Variants in MICAL2 observed in about 807,000 individuals in gnomAD.
The protein encoded by MICAL2 is microtubule associated monooxygenase, calponin and LIM domain containing 2.
MICAL2 carries 77 observed loss-of-function variants against 127.3 expected under a neutral mutation model. The ratio of observed to expected loss-of-function variants is 0.60; its 90% confidence interval spans 0.50 to 0.73. The LOEUF (loss-of-function observed/expected upper bound fraction) is 0.73. Ranked by LOEUF, MICAL2 falls within the 30% of genes least tolerant of loss-of-function variation. The probability of loss-of-function intolerance (pLI) is 0.00; values close to 1 mark genes in which losing one functional copy is unlikely to be tolerated. For synonymous variants in MICAL2, 570 were observed against 551.1 expected (o/e 1.03, Z -0.48); for missense variants, 1,351 against 1,434.4 (o/e 0.94, Z 0.94).
At chr11:12,337,648 G>A (rs1938790528) in intron 32 of MICAL2, among the ~76,000 whole-genome samples, 1 of 151,982 alleles carries the variant, frequency 6.6e-6, no homozygotes, top group East Asian at 1.9e-4. Context: ...ATTCTGGTAT[G>A]TTGTGTCTTT....
chr11:12,286,784 A>G (rs1038795558), intron 2 of MICAL2: 22 of 210,464 alleles, frequency 1.0e-4, no homozygotes, highest in Middle Eastern at 1.7e-3. Flanking sequence ...CTGAGGTGGG[A>G]GTATCATTTG....
chr11:12,223,186 A>G (rs539331847), intron 11 of MICAL2, among the ~76,000 whole-genome samples: 11 of 152,314 alleles, frequency 7.2e-5, no homozygotes, highest in Admixed American at 2.0e-4. Flanking sequence ...CATACACACA[A>G]ATTAGCTACA....
At chr11:12,300,471 C>T (rs1192829783) in intron 29 of MICAL2, among the ~76,000 whole-genome samples, 2 of 152,132 alleles carry the variant, frequency 1.3e-5, no homozygotes, top group African/African-American at 4.8e-5. Context: ...CAGATGAGCC[C>T]TTAACAAGGA....
chr11:12,263,253 A>G (rs1863363555), intron 27 of MICAL2: 1 of 152,230 alleles, frequency 6.6e-6, no homozygotes, highest in Non-Finnish European at 1.5e-5. Flanking sequence ...ATCTTTGAGA[A>G]ATGACTCAGT....
intron 2 of MICAL2, among the ~76,000 whole-genome samples, chr11:12,285,927 G>T (rs1226777874): frequency 1.1e-5 from 1 of 87,528 alleles, no homozygotes; most frequent in Non-Finnish European, 2.5e-5. Context: ...GGCCCTGCCT[G>T]TGTGCACATT....
intron 3 of MICAL2, among the ~76,000 whole-genome samples, chr11:12,175,811 G>A (rs7121956): frequency 0.57 from 86,652 of 151,872 alleles, 25,035 homozygotes; most frequent in South Asian, 0.69. Flanking sequence ...AGGTGCTGAC[G>A]CAAGTGTGCT....
chr11:12,349,586 A>ATG (rs951639193), intron 32 of MICAL2, among the ~76,000 whole-genome samples: 5 of 152,274 alleles, frequency 3.3e-5, no homozygotes, highest in Admixed American at 2.6e-4. Context: ...TATCGTGGTT[A>ATG]TGTGACCATT....
chr11:12,155,055 A>G (rs1002940504), intron 2 of MICAL2, among the ~76,000 whole-genome samples: 1 of 152,180 alleles, frequency 6.6e-6, no homozygotes, highest in Non-Finnish European at 1.5e-5. Context: ...GGCCTGGTAC[A>G]CTGTGAGTGC....
At chr11:12,318,130 C>A (rs983182162) in intron 29 of MICAL2, among the ~76,000 whole-genome samples, 1 of 152,212 alleles carries the variant, frequency 6.6e-6, no homozygotes, top group Non-Finnish European at 1.5e-5. Flanking sequence ...TACTCAGGCA[C>A]CGCTAATATA....
intron 29 of MICAL2, among the ~76,000 whole-genome samples, chr11:12,305,341 A>G (rs950648595): frequency 9.9e-5 from 15 of 152,112 alleles, no homozygotes; most frequent in Non-Finnish European, 2.9e-5. Context: ...AGAATTCACT[A>G]TCATGAGAAC....
chr11:12,220,965 A>C (rs1172712518), intron 9 of MICAL2, among the ~76,000 whole-genome samples: 1 of 152,258 alleles, frequency 6.6e-6, no homozygotes, highest in Non-Finnish European at 1.5e-5. Flanking sequence ...AGAAAGGAGA[A>C]AGTTTTCTCT....
At chr11:12,169,663 C>G (rs116654194) in intron 3 of MICAL2, among the ~76,000 whole-genome samples, 4,680 of 152,276 alleles carry the variant, frequency 0.031, 164 homozygotes, top group African/African-American at 0.086. Flanking sequence ...GAATTACAGG[C>G]ATGAGCCACC....
chr11:12,304,194 T>A (rs1864081643), intron 29 of MICAL2, among the ~76,000 whole-genome samples: 1 of 152,198 alleles, frequency 6.6e-6, no homozygotes, highest in African/African-American at 2.4e-5. Context: ...TGGACAACAC[T>A]GTTACAGAAG....
chr11:12,129,473 C>T (rs984350641), intron 1 of MICAL2, among the ~76,000 whole-genome samples: 10 of 152,036 alleles, frequency 6.6e-5, no homozygotes, highest in Admixed American at 3.9e-4. Flanking sequence ...ACACGCACCC[C>T]CCTTCCTATC....
At chr11:12,248,155 A>G (rs142720424) in intron 21 of MICAL2, among the ~76,000 whole-genome samples, 33 of 152,144 alleles carry the variant, frequency 2.2e-4, no homozygotes, top group African/African-American at 7.7e-4. Flanking sequence ...CTGCCTTCAG[A>G]CTCCACTTGC....
intron 2 of MICAL2, among the ~76,000 whole-genome samples, chr11:12,150,703 C>A (rs1590084125): frequency 6.6e-6 from 1 of 152,190 alleles, no homozygotes; most frequent in East Asian, 1.9e-4. Context: ...GGCCTAATTT[C>A]AGCAAGACGC....
At chr11:12,325,863 C>T (rs6485661) in intron 31 of MICAL2, among the ~76,000 whole-genome samples, 149,804 of 152,354 alleles carry the variant, frequency 0.98, 73,684 homozygotes, top group Middle Eastern at 1. Context: ...CAGTGATCAG[C>T]AATAAAGCCA....
chr11:12,232,918 G>T (rs1203678398), intron 15 of MICAL2, among the ~76,000 whole-genome samples: 1 of 151,948 alleles, frequency 6.6e-6, no homozygotes, highest in East Asian at 1.9e-4. Context: ...ACCATTCTGA[G>T]TAGCATGATG....
intron 32 of MICAL2, among the ~76,000 whole-genome samples, chr11:12,336,148 C>T (rs1938752890): frequency 6.6e-6 from 1 of 152,140 alleles, no homozygotes; most frequent in Non-Finnish European, 1.5e-5. Context: ...GTTTGTAGTT[C>T]TCCTTGAAGA....
Sources: allele counts gnomAD v4.1 joint callset (sites outside exome capture counted in the v4.1 genomes callset), GRCh38; gene constraint gnomAD v4.1.1; transcripts MANE v1.5; gene names NCBI Gene and HGNC (gene_info 2026-07-23, HGNC 2026-07-21).